The following CSTF3 variants were observed in gnomAD, a reference collection of about 807,000 sequenced individuals.
CSTF3 encodes cleavage stimulation factor subunit 3.
In CSTF3, 29 loss-of-function variants were observed where a neutral mutation model predicts 105.8. The ratio of observed to expected loss-of-function variants is 0.27; its 90% confidence interval spans 0.20 to 0.37. The LOEUF (loss-of-function observed/expected upper bound fraction) is 0.37, where lower values mean the gene tolerates loss of function less well. Among genes scored for constraint, CSTF3 ranks in the 10% least tolerant of loss-of-function variants. The pLI is 1.00. For synonymous variants in CSTF3, 252 were observed against 281.9 expected (o/e 0.89, Z 1.06); for missense variants, 357 against 879.3 (o/e 0.41, Z 7.51).
At chr11:33,131,011 C>G (rs1233434658) in intron 3 of CSTF3, among the ~76,000 whole-genome samples, 1 of 152,098 alleles carries the variant, frequency 6.6e-6, no homozygotes, top group Non-Finnish European at 1.5e-5. Flanking sequence ...GCCTGGGCAA[C>G]AGAGTGAGAC....
At chr11:33,144,903 GA>G in intron 1 of CSTF3, 1 of 247,154 alleles carries the variant, frequency 4.0e-6, no homozygotes, top group Admixed American at 4.6e-5. Context: ...TTGAGCCCGG[GA>G]GGGAGAAGTT....
At chr11:33,088,317 C>T (rs1317457073) in intron 17 of CSTF3, among the ~76,000 whole-genome samples, 5 of 148,198 alleles carry the variant, frequency 3.4e-5, no homozygotes, top group Non-Finnish European at 5.9e-5. Flanking sequence ...GACAGAGTCT[C>T]ACTCTGTCAC....
intron 15 of CSTF3, among the ~76,000 whole-genome samples, chr11:33,093,788 A>G (rs762155106): frequency 1.3e-5 from 2 of 152,146 alleles, no homozygotes; most frequent in South Asian, 4.1e-4. Flanking sequence ...GCTCACTGCA[A>G]CGTCTGTCTC....
At chr11:33,145,522 A>C (rs989251117) in intron 1 of CSTF3, among the ~76,000 whole-genome samples, 1 of 152,244 alleles carries the variant, frequency 6.6e-6, no homozygotes, top group East Asian at 1.9e-4. Flanking sequence ...AAGAAATGCA[A>C]ATATTGGCCG....
At chr11:33,145,538 G>A (rs912863524) in intron 1 of CSTF3, among the ~76,000 whole-genome samples, 4 of 152,164 alleles carry the variant, frequency 2.6e-5, no homozygotes, top group Non-Finnish European at 4.4e-5. Flanking sequence ...GGCCGGGCAC[G>A]GTGGCTCATG....
rs891470486 is a variant in CSTF3, at chr11:33,090,731, C to T, written c.1446-4G>A. 13 of 1,513,166 alleles carry T rather than the reference C, an allele frequency of 8.6e-6. No homozygotes were observed. Among genetic ancestry groups the T allele is most frequent in the Non-Finnish European group, 1.1e-5 (13 of 1,131,654 alleles). 93.7% of individuals were successfully genotyped at this position (1,513,166 alleles called of 1,614,324 possible). A position where few individuals can be genotyped will look rare whatever the true frequency, so the allele number is the denominator to read the frequency against. On this transcript the variant is annotated splice_polypyrimidine_tract_variant and splice_region_variant and intron_variant, in intron 16 of 20. Coordinates refer to ENST00000323959, the MANE Select transcript of CSTF3 (RefSeq NM_001326.3). The stretch of plus-strand genomic sequence containing the variant: ...TAGAAATCGGGCCCAGATTTCTCTG[C>T]AAGAAAAGAAATACAATCAATACTT...
At chr11:33,118,972 C>T (rs950061478) in intron 3 of CSTF3, among the ~76,000 whole-genome samples, 6 of 151,740 alleles carry the variant, frequency 4.0e-5, no homozygotes, top group Non-Finnish European at 7.4e-5. Context: ...AGTATTACTA[C>T]AGGAACTTTA....
chr11:33,094,359 T>C (rs1855197951), intron 15 of CSTF3, among the ~76,000 whole-genome samples: 1 of 152,210 alleles, frequency 6.6e-6, no homozygotes, highest in African/African-American at 2.4e-5. Flanking sequence ...CAAATGATGA[T>C]GCAATTATAT....
intron 1 of CSTF3, among the ~76,000 whole-genome samples, chr11:33,158,478 A>G (rs1433547231): frequency 6.6e-6 from 1 of 152,166 alleles, no homozygotes; most frequent in Admixed American, 6.6e-5. Context: ...ACAAAACAAA[A>G]CCACCATTTG....
intron 17 of CSTF3, among the ~76,000 whole-genome samples, chr11:33,088,871 G>T (rs1855136446): frequency 6.6e-6 from 1 of 152,166 alleles, no homozygotes. Flanking sequence ...GCCTGCCTCA[G>T]CCTCCCAAAG....
In CSTF3 at chr11:33,090,659, T is replaced by G; in HGVS notation, c.1514A>C (p.Glu505Ala). 6.2e-7 allele frequency: 1 copy of G among 1,612,254 alleles called. No homozygotes were observed. The highest frequency in any genetic ancestry group is 8.5e-7 in the Non-Finnish European group (1 of 1,179,412). Residue 505 changes from glutamate (E) to alanine (A), a missense_variant, in exon 17 of 21, where the codon GAG becomes GCG. Physicochemically the swap from Glu to Ala is moderately radical, Grantham distance 107. This residue lies in a region of CSTF3 where 206 missense variants were observed against 576.5 expected (regional missense o/e 0.36). Coordinates refer to ENST00000323959, the MANE Select transcript of CSTF3 (RefSeq NM_001326.3). ...IGDLASILKV[E>A]KRRFTAFKEE... ...TTTGAATGCTGTAAACCGTCTTTTC[T>G]CCACTTTGAGTATACTAGCTAGATC...
intron 18 of CSTF3, 81 bp downstream of exon 18, chr11:33,086,907 A>G: frequency 2.0e-6 from 3 of 1,495,942 alleles, no homozygotes; most frequent in Admixed American, 1.7e-5. Flanking sequence ...TTGAGAGGCC[A>G]TGTCACTTTA....
At chr11:33,148,489 G>A (rs1855811550) in intron 1 of CSTF3, among the ~76,000 whole-genome samples, 1 of 151,966 alleles carries the variant, frequency 6.6e-6, no homozygotes, top group Non-Finnish European at 1.5e-5. Flanking sequence ...TTCAGGTCAG[G>A]AGTTCAAGAC....
At chr11:33,134,022 A>G (rs561230594) in intron 3 of CSTF3, among the ~76,000 whole-genome samples, 13 of 152,206 alleles carry the variant, frequency 8.5e-5, no homozygotes, top group Non-Finnish European at 1.6e-4. Context: ...CTTTGTTATT[A>G]GCAAACACAT....
rs373351582 is a variant in CSTF3 at position 33,156,108 on chromosome 11, G to T, written c.27+5191C>A. On this transcript the variant is annotated intron_variant, in intron 1 of 20. Coordinates refer to ENST00000323959, the MANE Select transcript of CSTF3 (RefSeq NM_001326.3). The stretch of plus-strand genomic sequence containing the variant: ...TCTTAGGAACAACTGTCCCCAAACA[G>T]AATATTTGATAATGCTCCAGTTTCC... 7.2e-5 allele frequency among the ~76,000 whole-genome samples: 11 copies of T among 152,252 alleles called. No individual in the cohort carries two copies. In the East Asian group the frequency reaches 1.7e-3, roughly 24 times the overall value.
chr11:33,150,879 G>A (rs1297304916), intron 1 of CSTF3, among the ~76,000 whole-genome samples: 1 of 151,488 alleles, frequency 6.6e-6, no homozygotes, highest in Admixed American at 6.6e-5. Context: ...AGGTTTGAAA[G>A]TAGAATAAGC....
chr11:33,154,963 G>A (rs1248814749), intron 1 of CSTF3, among the ~76,000 whole-genome samples: 2 of 151,882 alleles, frequency 1.3e-5, no homozygotes, highest in Non-Finnish European at 2.9e-5. Flanking sequence ...TGTTTGTTGT[G>A]AATGAAACTG....
chr11:33,087,801 A>C (rs1855121586), intron 17 of CSTF3, among the ~76,000 whole-genome samples: 2 of 152,202 alleles, frequency 1.3e-5, no homozygotes, highest in Admixed American at 1.3e-4. Flanking sequence ...AAGTAGAGAG[A>C]GGAGGATTGG....
At chr11:33,095,052 C>A (rs1358557887) in intron 15 of CSTF3, among the ~76,000 whole-genome samples, 1 of 152,168 alleles carries the variant, frequency 6.6e-6, no homozygotes, top group Non-Finnish European at 1.5e-5. Flanking sequence ...GCGCCTGCCA[C>A]CACGCCCAGC....
Sources: allele counts gnomAD v4.1 joint callset (sites outside exome capture counted in the v4.1 genomes callset), GRCh38; gene constraint gnomAD v4.1.1; regional missense constraint gnomAD v4.1.1; transcripts MANE v1.5; gene names NCBI Gene and HGNC (gene_info 2026-07-23, HGNC 2026-07-21).